COL13A1: variants seen among roughly 807,000 people sequenced by gnomAD.
The protein encoded by COL13A1 is collagen alpha-1(XIII) chain.
Under a neutral mutation model 130.9 loss-of-function variants are expected in COL13A1, and 89 were observed. That is an observed-to-expected ratio of 0.68 (90% CI 0.57 to 0.81). The LOEUF is 0.81. COL13A1 is among the 30% of genes least tolerant of loss of function. The pLI, the probability that COL13A1 is intolerant of heterozygous loss-of-function variation, is 0.00. For synonymous variants in COL13A1, 402 were observed against 341.6 expected, an observed-to-expected ratio of 1.18 and a Z score of -1.95; for missense variants, 879 against 934.6, an observed-to-expected ratio of 0.94 and a Z score of 0.78.
At chr10:69,949,418 A>G (rs2069040813) in intron 38 of COL13A1, among the ~76,000 whole-genome samples, 1 of 152,208 alleles carries the variant, frequency 6.6e-6, no homozygotes, top group South Asian at 2.1e-4. Context: ...CCTGACCTCA[A>G]GTGATCCTCC....
In COL13A1 at chr10:69,958,989, G is replaced by A; in HGVS notation, c.*288G>A. The A allele has an allele frequency of 2.5e-6, 1 of 399,944 alleles. No homozygotes were observed. Among genetic ancestry groups the A allele is most frequent in the African/African-American group, 2.1e-5 (1 of 48,358 alleles). The allele number at this position is 399,944 out of a possible 1,614,324, so 24.8% of individuals were successfully genotyped here. On this transcript the variant is annotated 3_prime_UTR_variant, in exon 41 of 41. Transcript: ENST00000645393. ...GAAGCTTAATAAATTATTGTGTCCTGGTGCCAAAGGGGGCCAGCCAGAACT... is the reference window on the plus strand; with the variant it reads ...GAAGCTTAATAAATTATTGTGTCCTAGTGCCAAAGGGGGCCAGCCAGAACT...
In COL13A1 at chr10:69,894,304, C is replaced by T. The variant is rs552232669; in HGVS notation, c.604-248C>T. The stretch of plus-strand genomic sequence containing the variant: ...CCCTCCATAGCTGGCCCATGAGATG[C>T]TGGTGGTTGGAGGAATGGATGAAAG... On this transcript the variant is annotated intron_variant, in intron 10 of 40. Coordinates refer to ENST00000645393, the MANE Select transcript of COL13A1 (RefSeq NM_001368882.1). Among the ~76,000 whole-genome samples, 6 of 152,332 alleles carry T rather than the reference C, an allele frequency of 3.9e-5. No individual in the cohort carries two copies. The South Asian group carries it at 1.2e-3, about 32-fold the overall frequency.
At chr10:69,944,810 G>A (rs4082517) in intron 36 of COL13A1, among the ~76,000 whole-genome samples, 17,541 of 152,270 alleles carry the variant, frequency 0.12, 1,135 homozygotes, top group Middle Eastern at 0.3. Context: ...CAAGGCCCTG[G>A]GCGCCATTGT....
At chr10:69,888,099 A>T (rs1280092676) in intron 8 of COL13A1, among the ~76,000 whole-genome samples, 1 of 152,210 alleles carries the variant, frequency 6.6e-6, no homozygotes, top group Non-Finnish European at 1.5e-5. Flanking sequence ...GGCATCCAAC[A>T]TTCTATTATT....
rs190129510 is a variant in COL13A1, at chr10:69,857,397, G to A, written c.365-10401G>A. 2.0e-4 allele frequency among the ~76,000 whole-genome samples: 31 copies of A among 152,292 alleles called. 1 individual carries two copies. Among genetic ancestry groups the A allele is most frequent in the African/African-American group, 6.0e-4 (25 of 41,552 alleles). On this transcript the variant is annotated intron_variant, in intron 2 of 40. Transcript: ENST00000645393. ...CTCATCTGAGAGGCAGGGCAACAGC[G>A]TGATTAAGGGCCTGGTACTGGTTCA...
intron 5 of COL13A1, chr10:69,877,390 C>G (rs942159133): frequency 6.5e-6 from 1 of 152,974 alleles, no homozygotes; most frequent in African/African-American, 2.4e-5. Flanking sequence ...TGATTCTCCA[C>G]GCCCCCTCCC....
At chr10:69,873,909 G>A (rs2134128712) in intron 4 of COL13A1, among the ~76,000 whole-genome samples, 1 of 152,314 alleles carries the variant, frequency 6.6e-6, no homozygotes, top group East Asian at 1.9e-4. Context: ...TACACAAGCA[G>A]ATGCCATTTA....
At chr10:69,902,726 C>T (rs2062331511) in intron 14 of COL13A1, 22 bp from the exon 15 acceptor site, 2 of 1,539,628 alleles carry the variant, frequency 1.3e-6, no homozygotes, top group African/African-American at 1.4e-5. Context: ...TTCCCTCTAA[C>T]ATTCGTTTCC....
intron 2 of COL13A1, 83 bp from the exon 3 acceptor site, chr10:69,867,715 C>T (rs375240693): frequency 2.8e-6 from 2 of 714,144 alleles, no homozygotes. Context: ...CTGATGAATC[C>T]TTGGACACTG....
intron 15 of COL13A1, among the ~76,000 whole-genome samples, chr10:69,903,255 T>C (rs1245357617): frequency 1.3e-5 from 2 of 152,206 alleles, no homozygotes; most frequent in African/African-American, 4.8e-5. Context: ...GGCACCCCAG[T>C]GAACATGCCT....
chr10:69,884,171 A>C (rs1250232436), intron 7 of COL13A1, among the ~76,000 whole-genome samples: 1 of 152,228 alleles, frequency 6.6e-6, no homozygotes, highest in African/African-American at 2.4e-5. Flanking sequence ...GCTGGAAGTC[A>C]GAGCATGTGG....
chr10:69,811,211 C>A (rs1842958117), intron 1 of COL13A1, among the ~76,000 whole-genome samples: 1 of 152,142 alleles, frequency 6.6e-6, no homozygotes, highest in South Asian at 2.1e-4. Context: ...TCCTGCCCAC[C>A]ACCCCCTCCC....
In COL13A1 at chr10:69,802,387, CTATTTATT is replaced by C. The variant is rs1215667352; in HGVS notation, c.-28_-21del. 7.0e-7 allele frequency: 1 copy of C among 1,431,166 alleles called. No individual in the cohort carries two copies. The highest frequency in any genetic ancestry group is 2.9e-5 in the East Asian group (1 of 34,392). The allele number at this position is 1,431,166 out of a possible 1,614,324, so 88.7% of individuals were successfully genotyped here. On this transcript the variant is annotated 5_prime_UTR_variant, in exon 1 of 41. Coordinates refer to ENST00000645393, the MANE Select transcript of COL13A1 (RefSeq NM_001368882.1). ...GCAGCGGCTGTCGCCTTTATTTATT[CTATTTATT>C]TATTTATTGGTTCTCAAGACGCGAG...
At chr10:69,949,087 A>C (rs1468589249) in intron 38 of COL13A1, among the ~76,000 whole-genome samples, 1 of 152,154 alleles carries the variant, frequency 6.6e-6, no homozygotes, top group African/African-American at 2.4e-5. Flanking sequence ...CAGGTTTCCA[A>C]CTCAAGGGCA....
Position 69,880,311 on chromosome 10 carries a change from GC to G in COL13A1, c.463-189del, listed in dbSNP as rs35255453. Among the ~76,000 whole-genome samples, 8,249 of 151,938 alleles carry G rather than the reference GC, an allele frequency of 0.054. 306 individuals are homozygous for G. Among genetic ancestry groups the G allele is most frequent in the Middle Eastern group, 0.14 (41 of 294 alleles). ...CTGAATGCTCCCTCCTTGCCCCTGT[GC>G]CCTCTGTGTTGACTCTGCTGATCCC... On this transcript the variant is annotated intron_variant, in intron 6 of 40. Transcript: ENST00000645393.
chr10:69,821,226 T>C (rs1255648699), intron 1 of COL13A1, among the ~76,000 whole-genome samples: 1 of 152,202 alleles, frequency 6.6e-6, no homozygotes, highest in Non-Finnish European at 1.5e-5. Context: ...CACTTCAAAA[T>C]ATTGGCAACA....
chr10:69,941,053 CCCACT>C, intron 35 of COL13A1, 30 bp downstream of exon 35: 1 of 1,613,660 alleles, frequency 6.2e-7, no homozygotes, highest in Non-Finnish European at 8.5e-7. Flanking sequence ...CACCCCTCAC[CCCACT>C]CCACTCCACA....
intron 2 of COL13A1, among the ~76,000 whole-genome samples, chr10:69,853,916 T>C (rs1220193158): frequency 4.6e-5 from 7 of 152,250 alleles, no homozygotes; most frequent in Non-Finnish European, 8.8e-5. Flanking sequence ...TGGGGGATTA[T>C]GGATGATGGC....
intron 3 of COL13A1, among the ~76,000 whole-genome samples, chr10:69,868,091 C>T (rs1412220090): frequency 6.9e-6 from 1 of 145,848 alleles, no homozygotes; most frequent in East Asian, 2.1e-4. Context: ...TAGCTCAGTT[C>T]CTTTGTCCCC....
Sources: gnomAD v4.1 joint callset for allele counts (sites outside exome capture counted in the v4.1 genomes callset) on GRCh38, gnomAD v4.1.1 for gene constraint, MANE v1.5 for transcripts, NCBI Gene and HGNC (gene_info 2026-07-23, HGNC 2026-07-21) for gene names.